The following CSMD1 variants were observed in gnomAD, a reference collection of about 807,000 sequenced individuals.
CSMD1 encodes the protein CUB and Sushi multiple domains 1.
In CSMD1, 213 loss-of-function variants were observed where a neutral mutation model predicts 417.5. The ratio of observed to expected loss-of-function variants is 0.51; its 90% CI spans 0.46 to 0.57. CSMD1 has a LOEUF of 0.57. CSMD1 is among the 20% of genes least tolerant of loss of function. The probability of loss-of-function intolerance (pLI) is 0.00; values close to 1 mark genes in which losing one functional copy is unlikely to be tolerated. For synonymous variants in CSMD1, 2,862 were observed against 1,736.8 expected, an observed-to-expected ratio of 1.65 and a Z score of -16.11; for missense variants, 6,923 against 4,529.7, an observed-to-expected ratio of 1.53 and a Z score of -15.17.
At chr8:4,707,511 T>G (rs955455684) in intron 1 of CSMD1, among the ~76,000 whole-genome samples, 1 of 151,918 alleles carries the variant, frequency 6.6e-6, no homozygotes, top group Non-Finnish European at 1.5e-5. Context: ...AGCGTAGGAG[T>G]CCGTGAACAG....
At chr8:3,792,811 G>A (rs201040768) in intron 5 of CSMD1, among the ~76,000 whole-genome samples, 2 of 152,194 alleles carry the variant, frequency 1.3e-5, no homozygotes, top group East Asian at 1.9e-4. Context: ...GATAATGACA[G>A]AGAAACAACT....
intron 3 of CSMD1, among the ~76,000 whole-genome samples, chr8:4,159,955 G>A (rs207468916): frequency 1.3e-5 from 2 of 151,996 alleles, no homozygotes; most frequent in Non-Finnish European, 2.9e-5. Flanking sequence ...GGTGGGAGGG[G>A]GTGAGGGATA....
intron 47 of CSMD1, among the ~76,000 whole-genome samples, chr8:3,096,592 T>G (rs1815316352): frequency 6.6e-6 from 1 of 152,170 alleles, no homozygotes; most frequent in Non-Finnish European, 1.5e-5. Flanking sequence ...AATCTCTTTT[T>G]CTTCCTAGTC....
At chr8:3,429,183 T>G (rs1814049872) in intron 12 of CSMD1, among the ~76,000 whole-genome samples, 1 of 152,036 alleles carries the variant, frequency 6.6e-6, no homozygotes, top group African/African-American at 2.4e-5. Flanking sequence ...GAAGAGAGGA[T>G]TTTCAATGTT....
chr8:3,888,641 T>C (rs770032124), intron 5 of CSMD1, among the ~76,000 whole-genome samples: 3 of 152,128 alleles, frequency 2.0e-5, no homozygotes, highest in Non-Finnish European at 2.9e-5. Flanking sequence ...TCAAGTGCTC[T>C]ATCATGTTGA....
At chr8:3,968,900 T>C (rs1312777619) in intron 5 of CSMD1, among the ~76,000 whole-genome samples, 1 of 152,188 alleles carries the variant, frequency 6.6e-6, no homozygotes, top group Non-Finnish European at 1.5e-5. Flanking sequence ...GTAATTCAGA[T>C]GTAATGATTT....
intron 1 of CSMD1, among the ~76,000 whole-genome samples, chr8:4,677,819 G>C (rs1028906925): frequency 6.6e-6 from 1 of 152,122 alleles, no homozygotes; most frequent in Non-Finnish European, 1.5e-5. Context: ...AGAACAAAAA[G>C]GAGGCAAGGA....
intron 23 of CSMD1, among the ~76,000 whole-genome samples, chr8:3,337,705 C>A (rs531767434): frequency 1.3e-5 from 2 of 152,186 alleles, no homozygotes; most frequent in East Asian, 3.9e-4. Flanking sequence ...ATCAAGTGCT[C>A]CCTAGGAGTT....
chr8:4,183,199 A>T (rs780606553), intron 3 of CSMD1, among the ~76,000 whole-genome samples: 22 of 152,168 alleles, frequency 1.4e-4, no homozygotes, highest in South Asian at 4.1e-4. Context: ...AGGGGAAAAA[A>T]TGGGTATACA....
intron 3 of CSMD1, among the ~76,000 whole-genome samples, chr8:4,097,505 T>A (rs927313098): frequency 6.6e-6 from 1 of 152,216 alleles, no homozygotes; most frequent in Non-Finnish European, 1.5e-5. Flanking sequence ...TCCCTTTGAA[T>A]GTCTTGTTGC....
chr8:3,758,654 TTTCAG>T (rs1202436748), intron 5 of CSMD1, among the ~76,000 whole-genome samples: 1 of 152,194 alleles, frequency 6.6e-6, no homozygotes, highest in Admixed American at 6.5e-5. Flanking sequence ...CAACTTGGTG[TTTCAG>T]TTGAGATTTA....
intron 5 of CSMD1, among the ~76,000 whole-genome samples, chr8:3,946,424 C>T (rs1320401222): frequency 6.6e-6 from 1 of 152,256 alleles, no homozygotes; most frequent in Middle Eastern, 3.4e-3. Context: ...ATCACCTTGG[C>T]TACTTTAGCT....
At position 3,039,321 on chromosome 8, in the gene CSMD1, C is replaced by CCTCTCTCTCTCCCTTCCTTT. The variant is rs796592025; in HGVS notation, c.7661-9809_7661-9808insAAAGGAAGGGAGAGAGAGAG. On this transcript the variant is annotated intron_variant, in intron 50 of 69. Transcript: ENST00000635120. ...TCCTTCCTCTCTCCCTCCCTTCCTT[C>CCTCTCTCTCTCCCTTCCTTT]TTTTCCTTTCTTTCTTCCTTTCCGC... Among the ~76,000 whole-genome samples, 10 of 141,758 alleles carry CCTCTCTCTCTCCCTTCCTTT rather than the reference C, an allele frequency of 7.1e-5. 1 individual carries two copies. The highest frequency in any genetic ancestry group is 2.1e-4 in the African/African-American group (7 of 32,736). 93.0% of individuals were successfully genotyped at this position (141,758 alleles called of 152,430 possible). A position where few individuals can be genotyped will look rare whatever the true frequency, so the allele number is the denominator to read the frequency against.
intron 7 of CSMD1, among the ~76,000 whole-genome samples, chr8:3,687,278 G>C (rs2129031224): frequency 6.6e-6 from 1 of 152,304 alleles, no homozygotes; most frequent in East Asian, 1.9e-4. Flanking sequence ...GACCAAAAAA[G>C]TCTGTGGTTA....
chr8:3,757,553 A>G (rs887087157), intron 5 of CSMD1, among the ~76,000 whole-genome samples: 1 of 152,158 alleles, frequency 6.6e-6, no homozygotes, highest in Admixed American at 6.5e-5. Context: ...CCCCTGCTCT[A>G]GCATATATGA....
chr8:4,454,852 A>G (rs1799374396), intron 2 of CSMD1, among the ~76,000 whole-genome samples: 1 of 152,222 alleles, frequency 6.6e-6, no homozygotes, highest in Non-Finnish European at 1.5e-5. Context: ...TCCACAGTTT[A>G]GTTTTAAAGA....
intron 1 of CSMD1, among the ~76,000 whole-genome samples, chr8:4,926,597 A>G (rs1392947977): frequency 6.6e-6 from 1 of 152,240 alleles, no homozygotes; most frequent in African/African-American, 2.4e-5. Context: ...ATAATAAAGA[A>G]AATATGGAAT....
intron 5 of CSMD1, among the ~76,000 whole-genome samples, chr8:3,899,233 G>C (rs561427919): frequency 2.2e-4 from 34 of 152,318 alleles, no homozygotes; most frequent in South Asian, 2.1e-4. Flanking sequence ...GCACAGGAAA[G>C]TTGGCACCAG....
intron 3 of CSMD1, among the ~76,000 whole-genome samples, chr8:4,387,955 A>T (rs1176008551): frequency 6.6e-6 from 1 of 152,148 alleles, no homozygotes; most frequent in Non-Finnish European, 1.5e-5. Context: ...CATGTCTGGT[A>T]ATTTAAAATT....
Sources: gnomAD v4.1 joint callset for allele counts (sites outside exome capture counted in the v4.1 genomes callset) on GRCh38, gnomAD v4.1.1 for gene constraint, MANE v1.5 for transcripts, NCBI Gene and HGNC (gene_info 2026-07-23, HGNC 2026-07-21) for gene names.